TUB: variants seen among roughly 807,000 people sequenced by gnomAD.
The protein encoded by TUB is TUB bipartite transcription factor.
A neutral mutation model predicts 59.7 loss-of-function variants in TUB; 33 were observed. That is an observed-to-expected ratio of 0.55 (90% CI 0.42 to 0.74). TUB has a LOEUF of 0.74. TUB is among the 30% of genes least tolerant of loss of function. TUB has a pLI of 0.00. For missense variants in TUB, 659 were observed against 672.0 expected (o/e 0.98, Z 0.21); for synonymous variants, 293 against 256.4 (o/e 1.14, Z -1.36).
At position 8,097,747 on chromosome 11, in the gene TUB, A is replaced by G; in HGVS notation, c.919A>G (p.Ser307Gly). 1 of 1,614,102 alleles carries G rather than the reference A, an allele frequency of 6.2e-7. No individual in the cohort carries two copies. Among genetic ancestry groups the G allele is most frequent in the Non-Finnish European group, 8.5e-7 (1 of 1,179,978 alleles). Reference protein sequence around the residue: ...FLLAGRKRKKSKTSNYLISVD... With the variant: ...FLLAGRKRKKGKTSNYLISVD... ...CCTGGCGGGAAGGAAGAGAAAGAAG[A>G]GTAAAACTTCCAATTACCTCATCTC... Residue 307 changes from serine to glycine, a missense_variant, in exon 8 of 12, where the codon AGT becomes GGT. This residue lies in a region of TUB where 112 missense variants were observed against 156.9 expected (regional missense o/e 0.71). Transcript: ENST00000299506.
chr11:8,057,303 A>G (rs11041724), intron 2 of TUB, among the ~76,000 whole-genome samples: 92,666 of 152,012 alleles, frequency 0.61, 29,364 homozygotes, highest in Middle Eastern at 0.74. Context: ...GTGTTCCTGG[A>G]CCAAACCGAG....
intron 1 of TUB, chr11:8,039,148 G>T: frequency 7.8e-7 from 1 of 1,286,962 alleles, no homozygotes; most frequent in Non-Finnish European, 1.0e-6. Context: ...TGATGGTGCT[G>T]CTCCCCTATC....
chr11:8,059,025 A>G (rs1161502891), intron 2 of TUB, among the ~76,000 whole-genome samples: 1 of 152,206 alleles, frequency 6.6e-6, no homozygotes, highest in Non-Finnish European at 1.5e-5. Flanking sequence ...TAGGCCCTCC[A>G]TTACACATAG....
intron 11 of TUB, among the ~76,000 whole-genome samples, 171 bp from the exon 12 acceptor site, chr11:8,101,315 T>C (rs995689119): frequency 2.6e-5 from 4 of 152,174 alleles, no homozygotes; most frequent in Admixed American, 1.3e-4. Context: ...GCCACCTCTT[T>C]CCTGCCACTT....
chr11:8,086,161 CT>C (rs1483814293), intron 1 of TUB, among the ~76,000 whole-genome samples: 5 of 152,328 alleles, frequency 3.3e-5, no homozygotes, highest in Middle Eastern at 3.4e-3. Flanking sequence ...TCTGAGTCTC[CT>C]GGCGGGGCTG....
At chr11:8,040,408 C>G (rs1942729131) in intron 2 of TUB, among the ~76,000 whole-genome samples, 1 of 152,162 alleles carries the variant, frequency 6.6e-6, no homozygotes, top group African/African-American at 2.4e-5. Context: ...GTCTGTCTGT[C>G]CTTCCAAGGG....
intron 1 of TUB, chr11:8,019,428 C>T (rs1259310832): frequency 1.6e-6 from 2 of 1,222,246 alleles, no homozygotes; most frequent in East Asian, 6.4e-5. Flanking sequence ...AGAAGCGGGC[C>T]TCCGGGGGCT....
chr11:8,061,029 C>G (rs1031050047), intron 2 of TUB, among the ~76,000 whole-genome samples: 21 of 152,224 alleles, frequency 1.4e-4, no homozygotes. Flanking sequence ...GTCCCCAGCC[C>G]CAGGCATCAG....
At chr11:8,040,293 T>A (rs1942726130) in intron 2 of TUB, among the ~76,000 whole-genome samples, 1 of 152,212 alleles carries the variant, frequency 6.6e-6, no homozygotes, top group Admixed American at 6.5e-5. Context: ...CATAAACAAC[T>A]GCCCTGTGAA....
At chr11:8,090,259 C>T (rs546814455) in intron 3 of TUB, 28 bp downstream of exon 3, 15 of 1,609,724 alleles carry the variant, frequency 9.3e-6, no homozygotes, top group South Asian at 3.3e-5. Context: ...CCCCACATCC[C>T]GTCACTGCTT....
At chr11:8,079,713 GGTGT>G (rs1176497748), upstream of TUB, among the ~76,000 whole-genome samples, 2 of 140,534 alleles carry the variant, frequency 1.4e-5, no homozygotes, top group African/African-American at 5.1e-5. Flanking sequence ...TGTGTGTAGG[GGTGT>G]GTGTGTGTGC....
At chr11:8,088,197 C>T (rs566131989) in intron 1 of TUB, among the ~76,000 whole-genome samples, 3 of 152,320 alleles carry the variant, frequency 2.0e-5, no homozygotes, top group South Asian at 4.1e-4. Context: ...GTAGGCAGGA[C>T]ACCTGCTAGT....
chr11:8,036,975 G>A (rs1377215062), upstream of TUB, among the ~76,000 whole-genome samples: 3 of 152,204 alleles, frequency 2.0e-5, no homozygotes, highest in East Asian at 5.8e-4. Context: ...AACCAGGGAG[G>A]ATGTTGTGCT....
chr11:8,049,750 G>A (rs576866507), intron 2 of TUB, among the ~76,000 whole-genome samples: 93 of 151,686 alleles, frequency 6.1e-4, no homozygotes, highest in Admixed American at 1.6e-3. Context: ...AACAATATAA[G>A]GAAGAAAAAT....
At chr11:8,065,428 G>T (rs1674102314) in intron 2 of TUB, among the ~76,000 whole-genome samples, 1 of 152,166 alleles carries the variant, frequency 6.6e-6, no homozygotes, top group South Asian at 2.1e-4. Context: ...GATTCAGGTA[G>T]ACCTATACCT....
At chr11:8,056,253 ACTCT>A (rs1161326160) in intron 2 of TUB, among the ~76,000 whole-genome samples, 5 of 151,630 alleles carry the variant, frequency 3.3e-5, no homozygotes, top group Non-Finnish European at 7.4e-5. Context: ...GATGCCCCTC[ACTCT>A]CCTTAATCCA....
At chr11:8,048,773 A>C (rs941033504) in intron 2 of TUB, among the ~76,000 whole-genome samples, 1 of 152,232 alleles carries the variant, frequency 6.6e-6, no homozygotes. Context: ...ATTCATACTC[A>C]ATATCAATTA....
chr11:8,022,493 G>A (rs758518686), intron 1 of TUB, among the ~76,000 whole-genome samples: 2 of 152,152 alleles, frequency 1.3e-5, no homozygotes, highest in South Asian at 2.1e-4. Flanking sequence ...CCTCTCCTCC[G>A]TGTGTTTATG....
chr11:8,025,081 T>C (rs988363100), intron 1 of TUB, among the ~76,000 whole-genome samples: 8 of 152,240 alleles, frequency 5.3e-5, no homozygotes, highest in African/African-American at 1.7e-4. Flanking sequence ...TTTTAGGCAG[T>C]GGAGACAGAA....
Sources: allele counts gnomAD v4.1 joint callset (sites outside exome capture counted in the v4.1 genomes callset), GRCh38; gene constraint gnomAD v4.1.1; regional missense constraint gnomAD v4.1.1; transcripts MANE v1.5; gene names NCBI Gene and HGNC (gene_info 2026-07-23, HGNC 2026-07-21).